KCNK13: variants seen among roughly 807,000 people sequenced by gnomAD.
The protein encoded by KCNK13 is potassium channel subfamily K member 13.
Under a neutral mutation model 23.4 loss-of-function variants are expected in KCNK13, and 12 were observed. That is an observed-to-expected ratio of 0.51 (90% CI 0.33 to 0.83). The LOEUF is 0.83. Among genes scored for constraint, KCNK13 ranks in the 40% least tolerant of loss-of-function variants. The pLI is 0.02. For missense variants in KCNK13, 463 were observed against 556.3 expected, an observed-to-expected ratio of 0.83 and a Z score of 1.69; for synonymous variants, 231 against 229.5, an observed-to-expected ratio of 1.01 and a Z score of -0.06.
At chr14:90,140,342 G>A (rs932068292) in intron 1 of KCNK13, among the ~76,000 whole-genome samples, 2 of 152,122 alleles carry the variant, frequency 1.3e-5, no homozygotes, top group Non-Finnish European at 2.9e-5. Flanking sequence ...GTCCTACCAC[G>A]CATCAAAAAC....
In KCNK13 at chr14:90,185,063, G is replaced by A. The variant is rs777771190; in HGVS notation, c.*60G>A. On this transcript the variant is annotated 3_prime_UTR_variant, in exon 2 of 2. Coordinates refer to ENST00000282146, the MANE Select transcript of KCNK13 (RefSeq NM_022054.4). ...AGAATGGAGGATGATTGCCGCCCAG[G>A]GGACGAGCTCAGCCCTGCGCCTTGG... is the stretch of plus-strand genomic sequence containing the variant. 3.3e-5 allele frequency: 47 copies of A among 1,419,300 alleles called. No individual in the cohort carries two copies. Among genetic ancestry groups the A allele is most frequent in the African/African-American group, 5.7e-5 (4 of 70,232 alleles). 87.9% of individuals were successfully genotyped at this position (1,419,300 alleles called of 1,614,324 possible).
chr14:90,063,992 C>G (rs762057902), intron 1 of KCNK13, among the ~76,000 whole-genome samples: 17 of 152,132 alleles, frequency 1.1e-4, no homozygotes, highest in Non-Finnish European at 1.9e-4. Context: ...AGGCAGGAAA[C>G]CTTGCAGCAG....
At chr14:90,170,106 CAGGTACCT>C (rs1466295090) in intron 1 of KCNK13, among the ~76,000 whole-genome samples, 1 of 152,072 alleles carries the variant, frequency 6.6e-6, no homozygotes, top group Non-Finnish European at 1.5e-5. Context: ...GGGGAAATTC[CAGGTACCT>C]AGGTACCCCT....
rs140849461 is a variant in KCNK13 at position 90,150,842 on chromosome 14, G to C, written c.335-33269G>C. ...AAAGTGTGTGGCATGAGCCAGATGTGGTGGTGCATTCCTGTAGTCCCAGCT... is the reference window on the plus strand; with the variant it reads ...AAAGTGTGTGGCATGAGCCAGATGTCGTGGTGCATTCCTGTAGTCCCAGCT... On this transcript the variant is annotated intron_variant, in intron 1 of 1. Coordinates refer to ENST00000282146, the MANE Select transcript of KCNK13 (RefSeq NM_022054.4). 5.0e-3 allele frequency among the ~76,000 whole-genome samples: 765 copies of C among 152,234 alleles called. 3 individuals carry two copies. The highest frequency in any genetic ancestry group is 0.017 in the African/African-American group (721 of 41,534).
At chr14:90,103,415 G>A (rs865898316) in intron 1 of KCNK13, among the ~76,000 whole-genome samples, 33 of 152,270 alleles carry the variant, frequency 2.2e-4, no homozygotes, top group African/African-American at 7.0e-4. Flanking sequence ...AAGTGTTCCC[G>A]TTTCTCTGCA....
chr14:90,132,354 GC>G (rs1444593945), intron 1 of KCNK13, among the ~76,000 whole-genome samples: 5 of 152,260 alleles, frequency 3.3e-5, no homozygotes, highest in African/African-American at 9.6e-5. Flanking sequence ...GACCAGCCTG[GC>G]CAACATGGCG....
intron 1 of KCNK13, among the ~76,000 whole-genome samples, chr14:90,135,034 C>T (rs2140424822): frequency 6.6e-6 from 1 of 152,308 alleles, no homozygotes; most frequent in East Asian, 1.9e-4. Flanking sequence ...ATCTTACTTT[C>T]AGAATCATCA....
intron 1 of KCNK13, among the ~76,000 whole-genome samples, chr14:90,110,774 C>T (rs1160311541): frequency 2.8e-4 from 42 of 151,862 alleles, no homozygotes; most frequent in Non-Finnish European, 7.4e-5. Context: ...TTTGGGAGGC[C>T]GAGGCGGGCA....
At chr14:90,159,949 GTGTGT>G (rs1890234952) in intron 1 of KCNK13, among the ~76,000 whole-genome samples, 4 of 16,920 alleles carry the variant, frequency 2.4e-4, no homozygotes, top group South Asian at 2.3e-3. Flanking sequence ...GTGTAGGGGT[GTGTGT>G]GTGTGTGTGT....
At chr14:90,122,233 A>T (rs192642986) in intron 1 of KCNK13, among the ~76,000 whole-genome samples, 21 of 152,066 alleles carry the variant, frequency 1.4e-4, no homozygotes, top group Admixed American at 3.3e-4. Flanking sequence ...CTATTTCTGT[A>T]TTTAGCAGCT....
intron 1 of KCNK13, among the ~76,000 whole-genome samples, chr14:90,102,640 A>G (rs574645534): frequency 4.6e-5 from 7 of 152,196 alleles, no homozygotes; most frequent in African/African-American, 1.7e-4. Context: ...AGCCTTTGGG[A>G]AGTGCTTTTC....
rs546423368 is a variant in KCNK13 at position 90,101,790 on chromosome 14, C to CAAAAAAAAAAAAAAAAAAAAAAA, written c.334+39273_334+39274insAAAAAAAAAAAAAAAAAAAAAAA. ...GGGCAACAGAGTGAGACTCCGTCTC[C>CAAAAAAAAAAAAAAAAAAAAAAA]AAAAAAAAAAAAAAAAAAAAAACCT... On this transcript the variant is annotated intron_variant, in intron 1 of 1. Coordinates refer to ENST00000282146, the MANE Select transcript of KCNK13 (RefSeq NM_022054.4). 3.1e-4 allele frequency among the ~76,000 whole-genome samples: 17 copies of CAAAAAAAAAAAAAAAAAAAAAAA among 55,582 alleles called. 1 individual carries two copies. The highest frequency in any genetic ancestry group is 4.6e-4 in the African/African-American group (7 of 15,152). The allele number at this position is 55,582 out of a possible 152,430, so 36.5% of individuals were successfully genotyped here. A position where few individuals can be genotyped will look rare whatever the true frequency, so the allele number is the denominator to read the frequency against.
In KCNK13 at chr14:90,164,637, A is replaced by T. The variant is rs547459851; in HGVS notation, c.335-19474A>T. ...GCAGTATACCTAGTGGTTCAGTAGT[A>T]CCATAGGAAATTTCATGATTTTGTA... On this transcript the variant is annotated intron_variant, in intron 1 of 1. Transcript: ENST00000282146. Among the ~76,000 whole-genome samples, 14 of 152,362 alleles carry T rather than the reference A, an allele frequency of 9.2e-5. No individual in the cohort carries two copies. In the South Asian group the frequency reaches 1.2e-3, roughly 14 times the overall value.
At chr14:90,157,450 C>A (rs1890206336) in intron 1 of KCNK13, among the ~76,000 whole-genome samples, 1 of 152,168 alleles carries the variant, frequency 6.6e-6, no homozygotes, top group Non-Finnish European at 1.5e-5. Context: ...GGCTGGAGTG[C>A]AGTGGTGCAG....
intron 1 of KCNK13, among the ~76,000 whole-genome samples, chr14:90,141,477 G>A (rs565644995): frequency 6.6e-6 from 1 of 152,064 alleles, no homozygotes; most frequent in African/African-American, 2.4e-5. Context: ...TTGTTTCTGA[G>A]ATAGAGTTTC....
intron 1 of KCNK13, among the ~76,000 whole-genome samples, chr14:90,075,017 T>G (rs77496231): frequency 0.025 from 3,764 of 152,284 alleles, 168 homozygotes; most frequent in African/African-American, 0.085. Flanking sequence ...ATTAACCACT[T>G]AACACATTTT....
intron 1 of KCNK13, among the ~76,000 whole-genome samples, chr14:90,112,228 G>A (rs895033338): frequency 2.0e-5 from 3 of 152,158 alleles, no homozygotes; most frequent in South Asian, 2.1e-4. Flanking sequence ...TGGGTAAGGC[G>A]GTGCTGCTGA....
intron 1 of KCNK13, among the ~76,000 whole-genome samples, chr14:90,075,181 T>G (rs1889120670): frequency 6.6e-6 from 1 of 152,224 alleles, no homozygotes; most frequent in African/African-American, 2.4e-5. Flanking sequence ...ATGTTCTTTT[T>G]GTCATTTAAA....
At chr14:90,135,622 A>T (rs1889927129) in intron 1 of KCNK13, among the ~76,000 whole-genome samples, 1 of 152,118 alleles carries the variant, frequency 6.6e-6, no homozygotes, top group African/African-American at 2.4e-5. Context: ...CATTGGCAGG[A>T]TGTGGCTCCC....
Sources: gnomAD v4.1 joint callset for allele counts (sites outside exome capture counted in the v4.1 genomes callset) on GRCh38, gnomAD v4.1.1 for gene constraint, MANE v1.5 for transcripts, NCBI Gene and HGNC (gene_info 2026-07-23, HGNC 2026-07-21) for gene names.